GRID2: variants seen among roughly 807,000 people sequenced by gnomAD.
The protein encoded by GRID2 is glutamate receptor ionotropic, delta-2.
Under a neutral mutation model 114.8 loss-of-function variants are expected in GRID2, and 33 were observed. That is an observed-to-expected ratio of 0.29 (90% CI 0.22 to 0.38). GRID2 has a LOEUF of 0.38. Ranked by LOEUF, GRID2 falls within the 10% of genes least tolerant of loss-of-function variation. The pLI, the probability that GRID2 is intolerant of heterozygous loss-of-function variation, is 1.00. For synonymous variants in GRID2, 505 were observed against 449.9 expected, an observed-to-expected ratio of 1.12 and a Z score of -1.55; for missense variants, 1,184 against 1,257.7, an observed-to-expected ratio of 0.94 and a Z score of 0.89.
At chr4:92,562,270 C>T (rs1235369806) in intron 1 of GRID2, among the ~76,000 whole-genome samples, 3 of 152,150 alleles carry the variant, frequency 2.0e-5, no homozygotes, top group African/African-American at 4.8e-5. Flanking sequence ...TTGTGCTGTT[C>T]TCTAAGTGCC....
intron 2 of GRID2, among the ~76,000 whole-genome samples, chr4:92,787,243 C>G (rs1300349319): frequency 6.6e-6 from 1 of 151,862 alleles, no homozygotes; most frequent in Non-Finnish European, 1.5e-5. Flanking sequence ...TATATTCTAA[C>G]TGATAGAATC....
chr4:92,748,632 G>GCATTATTAT (rs370483856), intron 2 of GRID2, among the ~76,000 whole-genome samples: 1 of 137,760 alleles, frequency 7.3e-6, no homozygotes, highest in East Asian at 2.1e-4. Context: ...TAATTAAATT[G>GCATTATTAT]TATTATTATT....
chr4:93,465,125 A>G (rs4692982), intron 11 of GRID2, among the ~76,000 whole-genome samples: 1 of 152,222 alleles, frequency 6.6e-6, no homozygotes, highest in Non-Finnish European at 1.5e-5. Context: ...TCATAGAATC[A>G]CAATTGTCAT....
At chr4:93,042,069 A>G (rs2149269541) in intron 2 of GRID2, among the ~76,000 whole-genome samples, 1 of 151,332 alleles carries the variant, frequency 6.6e-6, no homozygotes, top group East Asian at 2.0e-4. Context: ...TGCCTGGCTA[A>G]TTTTTTTGTA....
intron 3 of GRID2, among the ~76,000 whole-genome samples, chr4:93,086,329 C>T (rs960355460): frequency 6.6e-6 from 1 of 152,168 alleles, no homozygotes; most frequent in Non-Finnish European, 1.5e-5. Context: ...AAAATGCTTT[C>T]TTGTCCTAAG....
intron 2 of GRID2, among the ~76,000 whole-genome samples, chr4:92,675,122 T>A (rs1733280941): frequency 6.6e-6 from 1 of 152,194 alleles, no homozygotes; most frequent in African/African-American, 2.4e-5. Flanking sequence ...ACTTGATCTT[T>A]TGAGGCTTGG....
At chr4:92,472,331 C>T (rs930062670) in intron 1 of GRID2, among the ~76,000 whole-genome samples, 3 of 152,082 alleles carry the variant, frequency 2.0e-5, no homozygotes, top group African/African-American at 4.8e-5. Flanking sequence ...TCCACTCACA[C>T]GTTGATGGAC....
At chr4:92,617,007 A>C (rs2149234594) in intron 2 of GRID2, among the ~76,000 whole-genome samples, 1 of 151,668 alleles carries the variant, frequency 6.6e-6, no homozygotes, top group East Asian at 2.0e-4. Context: ...TGTATAGATC[A>C]GGGTGATTAG....
chr4:93,017,373 C>T (rs938143104), intron 2 of GRID2, among the ~76,000 whole-genome samples: 5 of 151,974 alleles, frequency 3.3e-5, no homozygotes, highest in African/African-American at 1.2e-4. Context: ...TATTTTCAGC[C>T]TAACCTATAT....
intron 1 of GRID2, among the ~76,000 whole-genome samples, chr4:92,514,347 G>A (rs1724402507): frequency 1.3e-5 from 2 of 151,736 alleles, no homozygotes; most frequent in African/African-American, 4.8e-5. Flanking sequence ...ATATATGAAA[G>A]TTTATTGAAT....
intron 2 of GRID2, among the ~76,000 whole-genome samples, chr4:92,601,817 T>G (rs1018421665): frequency 6.7e-6 from 1 of 150,224 alleles, no homozygotes; most frequent in Admixed American, 6.6e-5. Context: ...ACAAGAAAAA[T>G]GATAAAAAAG....
chr4:93,101,539 C>G (rs4565050), intron 3 of GRID2, among the ~76,000 whole-genome samples: 76,352 of 151,724 alleles, frequency 0.5, 21,043 homozygotes, highest in African/African-American at 0.71. Context: ...ATGAGCAATA[C>G]CGTGTCATAT....
intron 2 of GRID2, among the ~76,000 whole-genome samples, chr4:92,776,507 T>TA (rs1469758548): frequency 5.9e-5 from 9 of 152,076 alleles, no homozygotes; most frequent in Non-Finnish European, 1.3e-4. Flanking sequence ...GGTATGTGTG[T>TA]GAGGGTGTGT....
At chr4:93,335,719 C>T (rs1337385352) in intron 8 of GRID2, among the ~76,000 whole-genome samples, 1 of 137,424 alleles carries the variant, frequency 7.3e-6, no homozygotes, top group Admixed American at 7.1e-5. Context: ...GACAGGGTCT[C>T]ACTCTGTCAT....
At chr4:92,748,632 G>GTAT (rs10673614) in intron 2 of GRID2, among the ~76,000 whole-genome samples, 40,107 of 137,460 alleles carry the variant, frequency 0.29, 5,914 homozygotes, top group Non-Finnish European at 0.33. Context: ...TAATTAAATT[G>GTAT]TATTATTATT....
At chr4:93,242,984 A>G (rs148080740) in intron 8 of GRID2, among the ~76,000 whole-genome samples, 41 of 152,074 alleles carry the variant, frequency 2.7e-4, no homozygotes, top group African/African-American at 9.9e-4. Context: ...TTCATTTTTT[A>G]TGTTCCTATG....
At chr4:92,910,417 C>T (rs1748286876) in intron 2 of GRID2, among the ~76,000 whole-genome samples, 1 of 151,960 alleles carries the variant, frequency 6.6e-6, no homozygotes, top group East Asian at 1.9e-4. Context: ...CCAGATTTCC[C>T]ATAGAGAGCC....
chr4:93,431,863 T>C (rs1311404876), intron 10 of GRID2, among the ~76,000 whole-genome samples: 1 of 152,170 alleles, frequency 6.6e-6, no homozygotes, highest in African/African-American at 2.4e-5. Flanking sequence ...CAGATTCAAC[T>C]CCATCAAAAA....
intron 4 of GRID2, among the ~76,000 whole-genome samples, chr4:93,192,827 A>G (rs2149449324): frequency 6.6e-6 from 1 of 152,182 alleles, no homozygotes; most frequent in Non-Finnish European, 1.5e-5. Context: ...CATACTGCAA[A>G]TCAGGGTGAA....
Sources: gnomAD v4.1 joint callset for allele counts (sites outside exome capture counted in the v4.1 genomes callset) on GRCh38, gnomAD v4.1.1 for gene constraint, MANE v1.5 for transcripts, NCBI Gene and HGNC (gene_info 2026-07-23, HGNC 2026-07-21) for gene names.